Variants in RAD23B observed in about 807,000 individuals in gnomAD.
The protein encoded by RAD23B is RAD23 nucleotide excision repair protein B.
Under a neutral mutation model 49.1 loss-of-function variants are expected in RAD23B, and 5 were observed. The observed-to-expected ratio is 0.10, with a 90% CI of 0.05 to 0.21. The LOEUF is 0.21. RAD23B is among the 10% of genes least tolerant of loss of function. The pLI is 1.00. For synonymous variants in RAD23B, 184 were observed against 165.4 expected (o/e 1.11, Z -0.86); for missense variants, 356 against 486.7 (o/e 0.73, Z 2.53).
intron 1 of RAD23B, among the ~76,000 whole-genome samples, chr9:107,288,670 ACTC>A (rs1833323564): frequency 6.6e-6 from 1 of 151,626 alleles, no homozygotes; most frequent in Non-Finnish European, 1.5e-5. Flanking sequence ...GTGGTCTTGA[ACTC>A]CTGAGCTCAG....
Position 107,300,010 on chromosome 9 carries a change from ACAT to A in RAD23B, c.67-130_67-128del, listed in dbSNP as rs1163652699. The A allele has an allele frequency of 3.4e-6, 4 of 1,184,280 alleles. No individual in the cohort carries two copies. The African/African-American group carries it at 6.3e-5, about 19-fold the overall frequency. 73.4% of individuals were successfully genotyped at this position (1,184,280 alleles called of 1,614,324 possible). ...ATCTTTTTTGATATAAATTGGAAAA[ACAT>A]AATATTTGAGGTTTTGGAAACATTA... On this transcript the variant is annotated intron_variant, in intron 1 of 9. Coordinates refer to ENST00000358015, the MANE Select transcript of RAD23B (RefSeq NM_002874.5).
At position 107,283,528 on chromosome 9, in the gene RAD23B, G is replaced by A; in HGVS notation, c.-102G>A. On this transcript the variant is annotated 5_prime_UTR_variant, in exon 1 of 10. Coordinates refer to ENST00000358015, the MANE Select transcript of RAD23B (RefSeq NM_002874.5). ...CACCCCCACCGCCTTCCTCCCCAGA[G>A]CGCGAGGAGCGCGGGCGACCCCGGG... The A allele has an allele frequency of 1.2e-6, 1 of 819,730 alleles. No individual in the cohort carries two copies. The highest frequency in any genetic ancestry group is 3.0e-5 in the South Asian group (1 of 33,826). The allele number at this position is 819,730 out of a possible 1,614,324, so 50.8% of individuals were successfully genotyped here.
At chr9:107,303,455 A>T (rs141434697) in intron 3 of RAD23B, among the ~76,000 whole-genome samples, 1 of 152,190 alleles carries the variant, frequency 6.6e-6, no homozygotes, top group Non-Finnish European at 1.5e-5. Flanking sequence ...AAGTCATTAT[A>T]TGTTAAGTTT....
At chr9:107,291,802 G>A (rs1224711900) in intron 1 of RAD23B, among the ~76,000 whole-genome samples, 2 of 152,176 alleles carry the variant, frequency 1.3e-5, no homozygotes, top group African/African-American at 2.4e-5. Flanking sequence ...TTGGCTTTGG[G>A]AATCTCCTTT....
chr9:107,317,278 G>A (rs7041497), intron 5 of RAD23B, among the ~76,000 whole-genome samples: 122,643 of 151,940 alleles, frequency 0.81, 50,047 homozygotes, highest in African/African-American at 0.93. Context: ...TTAGAGATAG[G>A]ACCTACCAGG....
In RAD23B at chr9:107,309,278, T is replaced by C. The variant is rs576480257; in HGVS notation, c.498-2404T>C. On this transcript the variant is annotated intron_variant, in intron 4 of 9. Transcript: ENST00000358015. The stretch of plus-strand genomic sequence containing the variant: ...GTGAATACTTGGGATTCTCGGACTT[T>C]GTAAAATTTGAGAAACCCTGATAGC... Among the ~76,000 whole-genome samples, 5 of 152,290 alleles carry C rather than the reference T, an allele frequency of 3.3e-5. No homozygotes were observed. The South Asian group carries it at 1.0e-3, about 32-fold the overall frequency.
chr9:107,309,887 C>T (rs1336313254), intron 4 of RAD23B, among the ~76,000 whole-genome samples: 3 of 143,860 alleles, frequency 2.1e-5, no homozygotes, highest in Non-Finnish European at 3.0e-5. Flanking sequence ...GCCGAGATTG[C>T]GCCGCTGCAC....
At chr9:107,293,401 TAA>T (rs1298538482) in intron 1 of RAD23B, among the ~76,000 whole-genome samples, 1 of 152,194 alleles carries the variant, frequency 6.6e-6, no homozygotes, top group African/African-American at 2.4e-5. Flanking sequence ...TAGTACAGAT[TAA>T]AAGAGTTAAT....
At position 107,329,753 on chromosome 9, in the gene RAD23B, TGG is replaced by T; in HGVS notation, c.*98_*99del. 1 of 519,556 alleles carries T rather than the reference TGG, an allele frequency of 1.9e-6. No individual in the cohort carries two copies. The highest frequency in any genetic ancestry group is 3.5e-6 in the Non-Finnish European group (1 of 281,770). The allele number at this position is 519,556 out of a possible 1,614,324, so 32.2% of individuals were successfully genotyped here. On this transcript the variant is annotated 3_prime_UTR_variant, in exon 10 of 10. Coordinates refer to ENST00000358015, the MANE Select transcript of RAD23B (RefSeq NM_002874.5). Reference sequence around the variant, plus strand: ...GACTTGGGCTCATATCCACAATACTTGGTATAAGGTAGTAGATTGTTGGGGGT... The same window carrying T: ...GACTTGGGCTCATATCCACAATACTTTATAAGGTAGTAGATTGTTGGGGGT...
At chr9:107,329,501 A>T in intron 9 of RAD23B, 42 bp from the exon 10 acceptor site, 1 of 1,200,396 alleles carries the variant, frequency 8.3e-7, no homozygotes, top group Non-Finnish European at 1.2e-6. Context: ...AATGTGCCAT[A>T]ATTGGTGTGT....
chr9:107,316,574 AT>A (rs1191923395), intron 5 of RAD23B, among the ~76,000 whole-genome samples: 1 of 152,192 alleles, frequency 6.6e-6, no homozygotes. Context: ...AATAATTAAA[AT>A]TTATTGTTTT....
In RAD23B at chr9:107,302,579, T is replaced by C. The variant is rs144368033; in HGVS notation, c.228+465T>C. Among the ~76,000 whole-genome samples, 649 of 152,016 alleles carry C rather than the reference T, an allele frequency of 4.3e-3. 6 individuals are homozygous for C. Among genetic ancestry groups the C allele is most frequent in the African/African-American group, 0.015 (627 of 41,536 alleles). On this transcript the variant is annotated intron_variant, in intron 3 of 9. Coordinates refer to ENST00000358015, the MANE Select transcript of RAD23B (RefSeq NM_002874.5). Reference sequence around the variant, plus strand: ...TAGTTCTTAGTGAAAGAATATGTTTTTAGAAACTAAAAAAAGGGAAAAGAT... The same window carrying C: ...TAGTTCTTAGTGAAAGAATATGTTTCTAGAAACTAAAAAAAGGGAAAAGAT...
At chr9:107,298,474 ATTTTTTTTTTTTTT>A (rs35923233) in intron 1 of RAD23B, among the ~76,000 whole-genome samples, 10 of 53,110 alleles carry the variant, frequency 1.9e-4, no homozygotes, top group South Asian at 6.6e-4. Context: ...TGCTTGGCTA[ATTTTTTTTTTTTTT>A]TTTTTTTTTT....
intron 3 of RAD23B, among the ~76,000 whole-genome samples, chr9:107,302,720 G>A (rs1355129679): frequency 6.7e-6 from 1 of 149,678 alleles, no homozygotes; most frequent in Admixed American, 6.7e-5. Context: ...CAGTGACGCT[G>A]TCTTGGCTCA....
At chr9:107,311,500 C>G (rs992387400) in intron 4 of RAD23B, among the ~76,000 whole-genome samples, 182 bp from the exon 5 acceptor site, 2 of 152,022 alleles carry the variant, frequency 1.3e-5, no homozygotes, top group Non-Finnish European at 2.9e-5. Flanking sequence ...TTTCCCAAAC[C>G]ACAAATGTTG....
chr9:107,299,553 A>C (rs1375461282), intron 1 of RAD23B, among the ~76,000 whole-genome samples: 1 of 152,206 alleles, frequency 6.6e-6, no homozygotes, highest in Non-Finnish European at 1.5e-5. Flanking sequence ...AGAGCATTGA[A>C]GTTGTCTGGA....
rs555973446 is a variant in RAD23B at position 107,328,777 on chromosome 9, A to C, written c.1117-766A>C. On this transcript the variant is annotated intron_variant, in intron 9 of 9. Coordinates refer to ENST00000358015, the MANE Select transcript of RAD23B (RefSeq NM_002874.5). ...CTTGGGGTTTGGGACCTGTGATCTAACTCAAGGTGATTGAGACAATTGAGG... is the reference window on the plus strand; with the variant it reads ...CTTGGGGTTTGGGACCTGTGATCTACCTCAAGGTGATTGAGACAATTGAGG... 2.0e-5 allele frequency among the ~76,000 whole-genome samples: 3 copies of C among 152,302 alleles called. No homozygotes were observed. The South Asian group carries it at 6.2e-4, about 32-fold the overall frequency.
At chr9:107,297,287 A>C (rs1034245308) in intron 1 of RAD23B, among the ~76,000 whole-genome samples, 3 of 152,066 alleles carry the variant, frequency 2.0e-5, no homozygotes, top group African/African-American at 7.2e-5. Flanking sequence ...TAGCCAAATC[A>C]TATAGGTATC....
intron 9 of RAD23B, among the ~76,000 whole-genome samples, chr9:107,326,322 A>G (rs892142392): frequency 2.6e-5 from 4 of 151,394 alleles, no homozygotes; most frequent in Non-Finnish European, 4.4e-5. Context: ...TACTAAAAAT[A>G]CAAAAAAAAT....
Sources: gnomAD v4.1 joint callset for allele counts (sites outside exome capture counted in the v4.1 genomes callset) on GRCh38, gnomAD v4.1.1 for gene constraint, MANE v1.5 for transcripts, NCBI Gene and HGNC (gene_info 2026-07-23, HGNC 2026-07-21) for gene names.